URI1: variants seen among roughly 807,000 people sequenced by gnomAD.
The protein encoded by URI1 is URI1 prefoldin like chaperone.
In URI1, 39 loss-of-function variants were observed where a neutral mutation model predicts 60.2. The observed-to-expected ratio is 0.65, with a 90% CI of 0.50 to 0.85. The LOEUF is 0.85. Ranked by LOEUF, URI1 falls within the 40% of genes least tolerant of loss-of-function variation. The pLI is 0.00. For synonymous variants in URI1, 251 were observed against 236.8 expected (o/e 1.06, Z -0.55); for missense variants, 691 against 665.9 (o/e 1.04, Z -0.42).
At chr19:29,999,856 C>T (rs2055856352) in intron 4 of URI1, among the ~76,000 whole-genome samples, 1 of 152,048 alleles carries the variant, frequency 6.6e-6, no homozygotes, top group Non-Finnish European at 1.5e-5. Context: ...GCAGCATTCA[C>T]TTATCCCTTT....
chr19:29,963,116 TGC>T (rs1239107676), intron 1 of URI1, among the ~76,000 whole-genome samples: 3 of 152,208 alleles, frequency 2.0e-5, no homozygotes, highest in Admixed American at 2.0e-4. Flanking sequence ...GTGCTTCTCT[TGC>T]TTGGGATTCT....
At chr19:29,970,060 A>G (rs2055439003) in intron 1 of URI1, among the ~76,000 whole-genome samples, 1 of 151,162 alleles carries the variant, frequency 6.6e-6, no homozygotes, top group African/African-American at 2.4e-5. Flanking sequence ...CCAAAAGAGG[A>G]CATTTATTTC....
chr19:29,928,240 G>A (rs2054887360), intron 1 of URI1, among the ~76,000 whole-genome samples: 1 of 152,182 alleles, frequency 6.6e-6, no homozygotes, highest in Admixed American at 6.5e-5. Flanking sequence ...TTTGCTAGCA[G>A]CAAGAAAACA....
At chr19:30,001,682 C>T (rs2055880322) in intron 4 of URI1, among the ~76,000 whole-genome samples, 1 of 151,966 alleles carries the variant, frequency 6.6e-6, no homozygotes, top group Non-Finnish European at 1.5e-5. Flanking sequence ...TCCGATATCC[C>T]AGATCGACTT....
At chr19:29,939,338 G>C (rs554953055), upstream of URI1, among the ~76,000 whole-genome samples, 19 of 149,946 alleles carry the variant, frequency 1.3e-4, no homozygotes, top group Admixed American at 6.0e-4. Context: ...GCAGTGGCAT[G>C]ATCTCTGCTC....
In URI1 at chr19:30,000,001, A is replaced by G. The variant is rs141876735; in HGVS notation, c.368-5360A>G. Reference sequence around the variant, plus strand: ...ACTTCTTTTTTTTTTAATTTTATGTATTATTAACTACCTGTCTATAATTTA... The same window carrying G: ...ACTTCTTTTTTTTTTAATTTTATGTGTTATTAACTACCTGTCTATAATTTA... On this transcript the variant is annotated intron_variant, in intron 4 of 10. Transcript: ENST00000392271. Among the ~76,000 whole-genome samples, 115 of 145,548 alleles carry G rather than the reference A, an allele frequency of 7.9e-4. 2 individuals carry two copies. The East Asian group carries it at 0.019, about 24-fold the overall frequency.
intron 1 of URI1, among the ~76,000 whole-genome samples, chr19:29,951,755 C>A (rs1044349940): frequency 1.3e-5 from 2 of 152,076 alleles, no homozygotes; most frequent in African/African-American, 4.8e-5. Flanking sequence ...ACCATGTTGG[C>A]CAGGCTGGTC....
chr19:29,940,242 G>A (rs1164089221), upstream of URI1, among the ~76,000 whole-genome samples: 1 of 152,088 alleles, frequency 6.6e-6, no homozygotes, highest in Non-Finnish European at 1.5e-5. Context: ...CTGAGTACTG[G>A]AGTGTCTAGG....
chr19:29,960,391 A>G (rs6509871), intron 1 of URI1, among the ~76,000 whole-genome samples: 122,207 of 152,048 alleles, frequency 0.8, 50,525 homozygotes, highest in Non-Finnish European at 0.9. Context: ...AGTCACTAGG[A>G]TTATAGATTT....
intron 3 of URI1, 149 bp downstream of exon 3, chr19:29,985,450 C>G (rs1055565414): frequency 7.3e-6 from 4 of 545,068 alleles, no homozygotes; most frequent in Admixed American, 7.1e-5. Context: ...TATAAGAACA[C>G]AGTAATTGTA....
rs373620556 is a variant in URI1 at position 29,944,185 on chromosome 19, A to G, written c.117+1521A>G. On this transcript the variant is annotated intron_variant, in intron 1 of 10. Coordinates refer to ENST00000392271, the MANE Select transcript of URI1 (RefSeq NM_003796.3). The stretch of plus-strand genomic sequence containing the variant: ...TATATATATATATATATATATATAT[A>G]TATATATAAAACTTAACTAGTTTGG... Among the ~76,000 whole-genome samples the G allele has an allele frequency of 3.4e-3, 340 of 100,668 alleles. 5 individuals are homozygous for G. Among genetic ancestry groups the G allele is most frequent in the Middle Eastern group, 9.7e-3 (2 of 206 alleles). The allele number at this position is 100,668 out of a possible 152,430, so 66.0% of individuals were successfully genotyped here.
Position 30,015,691 on chromosome 19 carries a change from T to G in URI1, c.*622T>G. 9.2e-7 allele frequency: 1 copy of G among 1,091,242 alleles called. No homozygotes were observed. Among genetic ancestry groups the G allele is most frequent in the South Asian group, 1.5e-5 (1 of 65,438 alleles). 67.6% of individuals were successfully genotyped at this position (1,091,242 alleles called of 1,614,324 possible). A position where few individuals can be genotyped will look rare whatever the true frequency, so the allele number is the denominator to read the frequency against. On this transcript the variant is annotated 3_prime_UTR_variant, in exon 11 of 11. Coordinates refer to ENST00000392271, the MANE Select transcript of URI1 (RefSeq NM_003796.3). ...CTTTTTTTTCCAAGTAAAAACTTTATGAAACTTGGTCTCAAAAATGTTGTG... is the reference window on the plus strand; with the variant it reads ...CTTTTTTTTCCAAGTAAAAACTTTAGGAAACTTGGTCTCAAAAATGTTGTG...
intron 4 of URI1, among the ~76,000 whole-genome samples, chr19:29,988,437 C>T (rs1449524247): frequency 6.6e-6 from 1 of 152,160 alleles, no homozygotes; most frequent in African/African-American, 2.4e-5. Flanking sequence ...ATACAAGATA[C>T]TGCTCTCAGG....
At chr19:30,007,203 A>G (rs1260743299) in intron 6 of URI1, among the ~76,000 whole-genome samples, 4 of 152,052 alleles carry the variant, frequency 2.6e-5, no homozygotes, top group Admixed American at 1.3e-4. Context: ...GTTGAAATAC[A>G]GATTCTGATT....
chr19:29,986,150 T>C lies in URI1; in HGVS notation c.232-132T>C, dbSNP rs335059. 2.4e-3 allele frequency: 2,072 copies of C among 863,326 alleles called. 44 individuals carry two copies. The African/African-American group carries it at 0.033, about 14-fold the overall frequency. The allele number at this position is 863,326 out of a possible 1,614,324, so 53.5% of individuals were successfully genotyped here. A position where few individuals can be genotyped will look rare whatever the true frequency, so the allele number is the denominator to read the frequency against. On this transcript the variant is annotated intron_variant, in intron 3 of 10. Transcript: ENST00000392271. ...ATATAGTGTTGAATTTCTGTGAAGC[T>C]GGCATTTTATTTTTCCCAATGTATA...
At chr19:29,968,829 C>T (rs1290144464) in intron 1 of URI1, among the ~76,000 whole-genome samples, 2 of 151,628 alleles carry the variant, frequency 1.3e-5, no homozygotes, top group East Asian at 3.9e-4. Flanking sequence ...CCTCAGCCTC[C>T]CAAAGTGCTG....
chr19:29,943,832 A>G (rs1423790705), intron 1 of URI1, among the ~76,000 whole-genome samples: 1 of 151,958 alleles, frequency 6.6e-6, no homozygotes, highest in African/African-American at 2.4e-5. Flanking sequence ...TGTTTTCAAG[A>G]TGAAGGTTTA....
At chr19:29,989,243 T>C (rs928781331) in intron 4 of URI1, among the ~76,000 whole-genome samples, 1 of 151,596 alleles carries the variant, frequency 6.6e-6, no homozygotes, top group Non-Finnish European at 1.5e-5. Context: ...CCTGAGTAGC[T>C]GGGATTACAG....
chr19:30,014,987 A>C lies in URI1; in HGVS notation c.1526A>C (p.Lys509Thr), dbSNP rs763688609. 2.5e-6 allele frequency: 4 copies of C among 1,613,896 alleles called. No homozygotes were observed. The South Asian group carries it at 4.4e-5, about 18-fold the overall frequency. Residue 509 changes from lysine to threonine, a missense_variant, in exon 11 of 11, where the codon AAG becomes ACG. By Grantham distance (78) the Lys-to-Thr change is moderately conservative (BLOSUM62 -1). Coordinates refer to ENST00000392271, the MANE Select transcript of URI1 (RefSeq NM_003796.3). ...GCACTACCCACTATTCCAGAACGAAAGGAAGTTCTGTTGGAAGCATCTGAA... is the reference window on the plus strand; with the variant it reads ...GCACTACCCACTATTCCAGAACGAACGGAAGTTCTGTTGGAAGCATCTGAA... The part of the protein sequence containing the change: ...HPALPTIPER[K>T]EVLLEASEET...
Sources: allele counts gnomAD v4.1 joint callset (sites outside exome capture counted in the v4.1 genomes callset), GRCh38; gene constraint gnomAD v4.1.1; transcripts MANE v1.5; gene names NCBI Gene and HGNC (gene_info 2026-07-23, HGNC 2026-07-21).